The following SLC60A1 variants were observed in gnomAD, a reference collection of about 807,000 sequenced individuals.
SLC60A1 encodes the protein major facilitator superfamily domain containing 4.
chr1:205,583,463 T>C, the SLC60A1 span, among the ~76,000 whole-genome samples: 6 of 152,220 alleles, frequency 3.9e-5, no homozygotes, highest in Admixed American at 6.5e-5. Context: ...AAGTCCACTG[T>C]GTGACCAGGG....
the SLC60A1 span, chr1:205,584,060 G>A: frequency 1.2e-6 from 2 of 1,613,894 alleles, no homozygotes; most frequent in African/African-American, 2.7e-5. Flanking sequence ...GCTTGCCTTG[G>A]AGACACAGCC....
chr1:205,592,226 G>A, the SLC60A1 span: 1 of 1,614,010 alleles, frequency 6.2e-7, no homozygotes, highest in Non-Finnish European at 8.5e-7. Flanking sequence ...GCCTGGGCCT[G>A]TTTCTCAGCA....
the SLC60A1 span, among the ~76,000 whole-genome samples, chr1:205,573,407 G>A: frequency 4.0e-5 from 6 of 149,048 alleles, no homozygotes; most frequent in East Asian, 2.1e-4. Context: ...TGACAAGAGC[G>A]AAACTCTGTC....
the SLC60A1 span, chr1:205,602,156 TTCTC>T: frequency 6.6e-5 from 10 of 152,384 alleles, no homozygotes; most frequent in Admixed American, 2.0e-4. Flanking sequence ...TGCCTGCACT[TTCTC>T]TATGTATATA....
At chr1:205,579,984 G>A in the SLC60A1 span, 2 of 1,594,518 alleles carry the variant, frequency 1.3e-6, no homozygotes, top group South Asian at 2.3e-5. Flanking sequence ...GCTGGGAGCT[G>A]GGGAGGGCAT....
chr1:205,580,518 G>T, the SLC60A1 span: 1 of 1,078,952 alleles, frequency 9.3e-7, no homozygotes, highest in Non-Finnish European at 1.3e-6. The surrounding 1 kb of genome is among the most constrained non-coding windows in gnomAD (Gnocchi z 5.0). Flanking sequence ...TTCCAGGGCT[G>T]GGCAACAGCC....
chr1:205,599,249 C>T, the SLC60A1 span: 1 of 1,613,918 alleles, frequency 6.2e-7, no homozygotes. Context: ...GGACTCCCAT[C>T]AGGTAAGGAA....
the SLC60A1 span, chr1:205,599,182 G>T: frequency 6.2e-7 from 1 of 1,614,136 alleles, no homozygotes. Context: ...CGTGATCTTT[G>T]GTTGTCTGGC....
At chr1:205,600,574 C>T in the SLC60A1 span, 2 of 992,248 alleles carry the variant, frequency 2.0e-6, no homozygotes, top group Non-Finnish European at 3.1e-6. Flanking sequence ...CTATTCAAGT[C>T]TTCTCCACTA....
At chr1:205,597,634 G>A in the SLC60A1 span, 573 of 727,286 alleles carry the variant, frequency 7.9e-4, 2 homozygotes, top group African/African-American at 9.1e-3. Context: ...GGCCTCAAGA[G>A]ATCCTCCCAC....
the SLC60A1 span, chr1:205,600,119 T>G: frequency 0.039 from 12,888 of 326,428 alleles, 1,389 homozygotes; most frequent in African/African-American, 0.24. Flanking sequence ...GAGTTTCATT[T>G]AAGACCTACA....
chr1:205,583,946 G>C, the SLC60A1 span: 12 of 1,611,404 alleles, frequency 7.4e-6, no homozygotes, highest in Non-Finnish European at 9.3e-6. Context: ...CCCTCTGCCT[G>C]CTCCCCAGCT....
chr1:205,600,195 G>C, the SLC60A1 span: 26 of 520,048 alleles, frequency 5.0e-5, 1 homozygote, highest in South Asian at 7.9e-4. Flanking sequence ...ATGGGAGACA[G>C]ACACATTCCC....
At chr1:205,584,979 G>C in the SLC60A1 span, 44 of 1,613,718 alleles carry the variant, frequency 2.7e-5, 1 homozygote, top group South Asian at 4.7e-4. Flanking sequence ...TGTTCATGAC[G>C]GATGGGTTGA....
the SLC60A1 span, among the ~76,000 whole-genome samples, chr1:205,571,674 C>T: frequency 6.6e-6 from 1 of 152,196 alleles, no homozygotes; most frequent in Admixed American, 6.5e-5. Flanking sequence ...ACCTTGCTGA[C>T]TCTGGGCAGC....
At chr1:205,584,013 G>T in the SLC60A1 span, 1 of 1,614,032 alleles carries the variant, frequency 6.2e-7, no homozygotes, top group Admixed American at 1.7e-5. Flanking sequence ...CTGACCTGCT[G>T]TCCCCAGAGG....
At chr1:205,584,211 A>T in the SLC60A1 span, 1 of 1,135,628 alleles carries the variant, frequency 8.8e-7, no homozygotes, top group Non-Finnish European at 1.2e-6. Context: ...AACCTAGATC[A>T]CAGGTGATTT....
At chr1:205,599,290 C>T in the SLC60A1 span, 2 of 1,610,786 alleles carry the variant, frequency 1.2e-6, no homozygotes, top group African/African-American at 1.3e-5. Flanking sequence ...AGGAGGAAAA[C>T]AGAGCCGGGG....
At chr1:205,591,996 A>G in the SLC60A1 span, 1 of 1,142,480 alleles carries the variant, frequency 8.8e-7, no homozygotes, top group African/African-American at 1.6e-5. Flanking sequence ...CGCCTGGTCC[A>G]CGGGGTGGCG....
Sources: gnomAD v4.1 joint callset for allele counts (sites outside exome capture counted in the v4.1 genomes callset) on GRCh38, gnomAD v4.1.1 for gene constraint, Gnocchi (gnomAD v3.1) non-coding constraint, MANE v1.5 for transcripts, NCBI Gene and HGNC (gene_info 2026-07-23, HGNC 2026-07-21) for gene names.